PTCHD4: variants seen among roughly 807,000 people sequenced by gnomAD.
The protein encoded by PTCHD4 is patched domain containing 4, also known as patched domain-containing protein 4.
In PTCHD4, 33 loss-of-function variants were observed where a neutral mutation model predicts 58.1. The ratio of observed to expected loss-of-function variants is 0.57; its 90% confidence interval spans 0.43 to 0.76. The LOEUF (loss-of-function observed/expected upper bound fraction) is 0.76, where lower values mean the gene tolerates loss of function less well. Ranked by LOEUF, PTCHD4 falls within the 30% of genes least tolerant of loss-of-function variation. The probability of loss-of-function intolerance (pLI) is 0.00; values close to 1 mark genes in which losing one functional copy is unlikely to be tolerated. For missense variants in PTCHD4, 1,058 were observed against 1,027.1 expected (o/e 1.03, Z -0.41); for synonymous variants, 478 against 409.6 (o/e 1.17, Z -2.02).
At chr6:47,986,167 A>C (rs1008304380) in intron 4 of PTCHD4, among the ~76,000 whole-genome samples, 19 of 152,126 alleles carry the variant, frequency 1.2e-4, no homozygotes, top group South Asian at 6.2e-4. Context: ...AAGAACTTAG[A>C]TGGAGCTCTT....
chr6:47,993,312 TAGA>T (rs1185874446), intron 4 of PTCHD4, among the ~76,000 whole-genome samples: 1 of 152,198 alleles, frequency 6.6e-6, no homozygotes, highest in Non-Finnish European at 1.5e-5. Context: ...ACATGTATGT[TAGA>T]AGAATTTTCT....
Position 47,879,499 on chromosome 6 carries a change from A to G in PTCHD4, c.1336T>C (p.Phe446Leu), listed in dbSNP as rs1315521894. 7 of 1,613,772 alleles carry G rather than the reference A, an allele frequency of 4.3e-6. No individual in the cohort carries two copies. The highest frequency in any genetic ancestry group is 5.9e-6 in the Non-Finnish European group (7 of 1,179,764). Reference protein sequence around the residue: ...NPYQHHFIQHFLREHYNEWIT... With the variant: ...NPYQHHFIQHLLREHYNEWIT... ...CATTCATTATAATGTTCACGGAGGA[A>G]GTGCTGAATGAAGTGGTGCTGGTAG... The change falls in exon 5 of 5, where the codon TTC becomes CTC. Residue 446 changes from phenylalanine (F) to leucine (L), a missense_variant. Coordinates refer to ENST00000339488, the MANE Select transcript of PTCHD4 (RefSeq NM_001384253.1).
At chr6:47,888,512 C>T (rs536621927) in intron 4 of PTCHD4, among the ~76,000 whole-genome samples, 28 of 152,200 alleles carry the variant, frequency 1.8e-4, no homozygotes, top group African/African-American at 5.5e-4. Context: ...AGCAGATTCT[C>T]ATTGTATAAT....
rs146580183 is a variant in PTCHD4 at position 47,957,719 on chromosome 6, G to A, written c.898+50915C>T. 5.2e-3 allele frequency among the ~76,000 whole-genome samples: 782 copies of A among 151,488 alleles called. 4 individuals carry two copies. Among genetic ancestry groups the A allele is most frequent in the African/African-American group, 0.017 (705 of 41,282 alleles). On this transcript the variant is annotated intron_variant, in intron 4 of 4. Transcript: ENST00000339488. ...GGGTTCACGCCATTCTTCTGCCTCA[G>A]TATCTAGAGTAGCTGGGACTATAGG...
chr6:47,857,069 A>G lies in PTCHD4; in HGVS notation c.*21234T>C, dbSNP rs1295102695. Among the ~76,000 whole-genome samples, 2 of 152,092 alleles carry G rather than the reference A, an allele frequency of 1.3e-5. No homozygotes were observed. The highest frequency in any genetic ancestry group is 2.9e-5 in the Non-Finnish European group (2 of 67,996). Reference sequence around the variant, plus strand: ...ACCCAGCCCAAATAATCTTTTAGAGAAAATTTAGACACAAGAAATCATATT... The same window carrying G: ...ACCCAGCCCAAATAATCTTTTAGAGGAAATTTAGACACAAGAAATCATATT... On this transcript the variant is annotated 3_prime_UTR_variant, in exon 5 of 5. Transcript: ENST00000339488.
chr6:47,912,820 A>G (rs1241460694), intron 4 of PTCHD4, among the ~76,000 whole-genome samples: 1 of 152,122 alleles, frequency 6.6e-6, no homozygotes, highest in Non-Finnish European at 1.5e-5. Flanking sequence ...CAAAGTGGGA[A>G]ATTTTGGTGA....
Position 47,857,074 on chromosome 6 carries a change from T to G in PTCHD4, c.*21229A>C, listed in dbSNP as rs1763324845. Among the ~76,000 whole-genome samples, 1 of 152,038 alleles carries G rather than the reference T, an allele frequency of 6.6e-6. No homozygotes were observed. The highest frequency in any genetic ancestry group is 1.5e-5 in the Non-Finnish European group (1 of 67,970). ...GCCCAAATAATCTTTTAGAGAAAAT[T>G]TAGACACAAGAAATCATATTATATA... On this transcript the variant is annotated 3_prime_UTR_variant, in exon 5 of 5. Transcript: ENST00000339488.
At chr6:48,105,862 A>G (rs921479087) in intron 1 of PTCHD4, among the ~76,000 whole-genome samples, 2 of 152,188 alleles carry the variant, frequency 1.3e-5, no homozygotes, top group East Asian at 3.9e-4. Context: ...GAAATGGATA[A>G]ATTCCTTGAC....
rs1581820450 is a variant in PTCHD4 at position 47,882,187 on chromosome 6, C to T, written c.899-2251G>A. Among the ~76,000 whole-genome samples, 8 of 152,118 alleles carry T rather than the reference C, an allele frequency of 5.3e-5. 1 individual carries two copies. The highest frequency in any genetic ancestry group is 5.2e-4 in the Admixed American group (8 of 15,260). The stretch of plus-strand genomic sequence containing the variant: ...CATCTCTCTTCAGAAATGAGGACTC[C>T]TGCTATCTTTGTAGTCACAAGGTGG... On this transcript the variant is annotated intron_variant, in intron 4 of 4. Coordinates refer to ENST00000339488, the MANE Select transcript of PTCHD4 (RefSeq NM_001384253.1).
intron 4 of PTCHD4, among the ~76,000 whole-genome samples, chr6:47,951,262 G>C (rs1766636238): frequency 1.3e-5 from 2 of 152,262 alleles, no homozygotes; most frequent in Admixed American, 1.3e-4. Context: ...TTACTTCAGG[G>C]TTAGTATATA....
At chr6:47,902,042 T>C (rs964257123) in intron 4 of PTCHD4, 3 of 594,260 alleles carry the variant, frequency 5.0e-6, no homozygotes, top group Admixed American at 2.9e-5. Context: ...TGAAGAGTTA[T>C]CACCATCATC....
chr6:47,883,712 G>A (rs936377244), intron 4 of PTCHD4, among the ~76,000 whole-genome samples: 8 of 152,026 alleles, frequency 5.3e-5, no homozygotes, highest in Admixed American at 1.3e-4. Context: ...CTTTATTGTC[G>A]GGGACTGTCA....
intron 4 of PTCHD4, among the ~76,000 whole-genome samples, chr6:47,890,202 T>A (rs1764333864): frequency 6.6e-6 from 1 of 151,516 alleles, no homozygotes; most frequent in Non-Finnish European, 1.5e-5. Context: ...CCTAAATTTG[T>A]ATGTTTTTAT....
At chr6:47,888,356 C>T (rs1042329210) in intron 4 of PTCHD4, among the ~76,000 whole-genome samples, 1 of 149,996 alleles carries the variant, frequency 6.7e-6, no homozygotes, top group Admixed American at 6.6e-5. Flanking sequence ...GACTCAGTCC[C>T]CAAAAAAAAG....
intron 3 of PTCHD4, among the ~76,000 whole-genome samples, chr6:48,031,330 C>A (rs1404846079): frequency 6.6e-6 from 1 of 151,912 alleles, no homozygotes; most frequent in East Asian, 1.9e-4. Context: ...ATCCAGTGAC[C>A]CACACCCTGC....
intron 1 of PTCHD4, among the ~76,000 whole-genome samples, chr6:48,073,785 T>C (rs1438149591): frequency 6.6e-6 from 1 of 152,182 alleles, no homozygotes; most frequent in African/African-American, 2.4e-5. Flanking sequence ...TGGTTTCTTC[T>C]GAAATGCATG....
Position 48,008,851 on chromosome 6 carries a change from G to T in PTCHD4, c.681C>A (p.Ser227Arg). 6.2e-7 allele frequency: 1 copy of T among 1,614,006 alleles called. No homozygotes were observed. Among genetic ancestry groups the T allele is most frequent in the Non-Finnish European group, 8.5e-7 (1 of 1,179,888 alleles). Residue 227 changes from serine to arginine, a missense_variant, in exon 4 of 5, where the codon AGC becomes AGA. Physicochemically the swap from Ser to Arg is moderately radical, Grantham distance 110. Coordinates refer to ENST00000339488, the MANE Select transcript of PTCHD4 (RefSeq NM_001384253.1). Reference sequence around the variant, plus strand: ...CCAGGACCTTGCTTCTGGCCAGGATGCTGGTCTTATGAAAGTCCCTCCAGA... The same window carrying T: ...CCAGGACCTTGCTTCTGGCCAGGATTCTGGTCTTATGAAAGTCCCTCCAGA... ...FSLWRDFHKT[S>R]ILARSKVLVS... is the part of the protein sequence containing the mutation.
In PTCHD4 at chr6:47,862,675, GTATTCTTTTCTTC is replaced by G. The variant is rs1232942242; in HGVS notation, c.*15615_*15627del. On this transcript the variant is annotated 3_prime_UTR_variant, in exon 5 of 5. Transcript: ENST00000339488. ...ATGCTGATGAATCATTTTTCCTTAA[GTATTCTTTTCTTC>G]TATTAGGTTATAAATTACTCAAATA... Among the ~76,000 whole-genome samples the G allele has an allele frequency of 2.0e-5, 3 of 151,688 alleles. No homozygotes were observed. In the East Asian group the frequency reaches 5.8e-4, roughly 29 times the overall value.
intron 4 of PTCHD4, among the ~76,000 whole-genome samples, chr6:47,982,047 G>C (rs1767898699): frequency 6.6e-6 from 1 of 152,144 alleles, no homozygotes; most frequent in Non-Finnish European, 1.5e-5. Flanking sequence ...ACACTTCTCA[G>C]AATTGTGACA....
Sources: allele counts gnomAD v4.1 joint callset (sites outside exome capture counted in the v4.1 genomes callset), GRCh38; gene constraint gnomAD v4.1.1; transcripts MANE v1.5; gene names NCBI Gene and HGNC (gene_info 2026-07-23, HGNC 2026-07-21).